The following CYB5R3 variants were observed in gnomAD, a reference collection of about 807,000 sequenced individuals.
CYB5R3 encodes cytochrome b5 reductase 3.
In CYB5R3, 28 loss-of-function variants were observed where a neutral mutation model predicts 36.5. The ratio of observed to expected loss-of-function variants is 0.77; its 90% confidence interval spans 0.57 to 1.05. The LOEUF (loss-of-function observed/expected upper bound fraction) is 1.05, where lower values mean the gene tolerates loss of function less well. Among genes scored for constraint, CYB5R3 ranks in the 50% least tolerant of loss-of-function variants. The pLI is 0.00. For synonymous variants in CYB5R3, 181 were observed against 159.8 expected (o/e 1.13, Z -1.00); for missense variants, 474 against 408.9 (o/e 1.16, Z -1.37).
At chr22:42,641,830 A>C (rs181746840) in intron 1 of CYB5R3, among the ~76,000 whole-genome samples, 3 of 152,132 alleles carry the variant, frequency 2.0e-5, no homozygotes, top group African/African-American at 7.2e-5. Flanking sequence ...CTCATTGGCC[A>C]GGCTGGTCTC....
In CYB5R3 at chr22:42,622,798, G is replaced by A. The variant is rs9623645; in HGVS notation, c.733+991C>T. 1.4e-3 allele frequency among the ~76,000 whole-genome samples: 214 copies of A among 152,378 alleles called. 1 individual carries two copies. Among genetic ancestry groups the A allele is most frequent in the African/African-American group, 5.0e-3 (206 of 41,594 alleles). ...GCGCCCCCCACCATGGATTAGTCCT[G>A]AGGAAACTGTGGGGCCGTAGGAGGT... On this transcript the variant is annotated intron_variant, in intron 8 of 8. Transcript: ENST00000352397.
At chr22:42,633,980 G>T (rs980523156) in intron 2 of CYB5R3, among the ~76,000 whole-genome samples, 3 of 151,952 alleles carry the variant, frequency 2.0e-5, no homozygotes, top group African/African-American at 7.3e-5. Flanking sequence ...GGAAAATACC[G>T]TTAAAAAACA....
At chr22:42,620,197 TC>T (rs1375101933) in intron 8 of CYB5R3, among the ~76,000 whole-genome samples, 4 of 152,178 alleles carry the variant, frequency 2.6e-5, no homozygotes, top group African/African-American at 4.8e-5. Context: ...GCCTTTTGCT[TC>T]CATTTGGCCT....
intron 1 of CYB5R3, chr22:42,644,373 C>T (rs1393854584): frequency 2.8e-6 from 2 of 706,342 alleles, no homozygotes; most frequent in Non-Finnish European, 5.2e-6. Context: ...TCTCTATGGC[C>T]CCAACTCTGG....
intron 8 of CYB5R3, among the ~76,000 whole-genome samples, chr22:42,622,238 A>G (rs1314395509): frequency 6.6e-6 from 1 of 152,100 alleles, no homozygotes; most frequent in East Asian, 1.9e-4. Flanking sequence ...TCGTTAGTAG[A>G]AGAGAAACAG....
chr22:42,642,906 G>A (rs1929354423), intron 1 of CYB5R3, among the ~76,000 whole-genome samples: 1 of 152,180 alleles, frequency 6.6e-6, no homozygotes, highest in African/African-American at 2.4e-5. Context: ...AGTTCTCCCA[G>A]CAAATGTGCA....
Position 42,631,368 on chromosome 22 carries a change from C to T in CYB5R3, c.226+10G>A, listed in dbSNP as rs1039458331. 9.7e-6 allele frequency: 15 copies of T among 1,551,158 alleles called. No individual in the cohort carries two copies. Among genetic ancestry groups the T allele is most frequent in the Middle Eastern group, 1.7e-4 (1 of 6,014 alleles). On this transcript the variant is annotated intron_variant, in intron 3 of 8. Coordinates refer to ENST00000352397, the MANE Select transcript of CYB5R3 (RefSeq NM_000398.7). The stretch of plus-strand genomic sequence containing the variant: ...GGGCTCCGAATGGGCCCAGCAGGGG[C>T]GTGACTCACCGACAGGGAGGCCCAG...
chr22:42,626,366 G>A (rs1928267247), intron 7 of CYB5R3, among the ~76,000 whole-genome samples: 1 of 152,118 alleles, frequency 6.6e-6, no homozygotes, highest in Admixed American at 6.6e-5. Context: ...CACTTCCCAC[G>A]AGACATGCAC....
intron 1 of CYB5R3, 97 bp downstream of exon 1, chr22:42,649,198 G>A: frequency 2.0e-6 from 1 of 489,240 alleles, no homozygotes; most frequent in Non-Finnish European, 2.8e-6. Flanking sequence ...GTGCGGCCCG[G>A]GTCCCGCGTC....
Position 42,623,651 on chromosome 22 carries a change from G to T in CYB5R3, c.733+138C>A, listed in dbSNP as rs542425975. 83 of 704,754 alleles carry T rather than the reference G, an allele frequency of 1.2e-4. No homozygotes were observed. In the African/African-American group the frequency reaches 1.3e-3, roughly 11 times the overall value. The allele number at this position is 704,754 out of a possible 1,614,324, so 43.7% of individuals were successfully genotyped here. ...CCCTTGTTCCTCATCTGTGAGACGG[G>T]GCCACACCACCTGCCTCCCACAGGG... On this transcript the variant is annotated intron_variant, in intron 8 of 8. Transcript: ENST00000352397.
intron 1 of CYB5R3, among the ~76,000 whole-genome samples, chr22:42,639,323 CA>C (rs58708895): frequency 0.28 from 32,262 of 114,526 alleles, 4,039 homozygotes; most frequent in East Asian, 0.55. Context: ...GACTCTGTCT[CA>C]AAAAAAAAAA....
At chr22:42,635,789 C>T (rs1928858764) in intron 2 of CYB5R3, among the ~76,000 whole-genome samples, 1 of 152,184 alleles carries the variant, frequency 6.6e-6, no homozygotes, top group South Asian at 2.1e-4. Flanking sequence ...CCCTCCTGTG[C>T]CTGCTGGGGG....
chr22:42,639,151 G>C, intron 1 of CYB5R3: 1 of 350,126 alleles, frequency 2.9e-6, no homozygotes, highest in Non-Finnish European at 5.6e-6. Context: ...CCAACATGGT[G>C]AAACCCCGTC....
intron 4 of CYB5R3, among the ~76,000 whole-genome samples, chr22:42,630,562 T>C (rs1170803249): frequency 1.3e-5 from 2 of 152,228 alleles, no homozygotes; most frequent in East Asian, 3.9e-4. Flanking sequence ...TTGAAGGCAC[T>C]TGCCCTGAAC....
Position 42,628,237 on chromosome 22 carries a change from C to A in CYB5R3, c.378G>T (p.Lys126Asn). 6.2e-7 allele frequency: 1 copy of A among 1,614,138 alleles called. No homozygotes were observed. Among genetic ancestry groups the A allele is most frequent in the Non-Finnish European group, 8.5e-7 (1 of 1,179,992 alleles). The change falls in exon 5 of 9, where the codon AAG becomes AAT. Residue 126 changes from lysine (K) to asparagine (N), a missense_variant. Transcript: ENST00000352397. ...GCATGCTCTCCAGGTACTGAGACATCTTCCCTCCAGCGGGAAACTTGGGAT... is the reference window on the plus strand; with the variant it reads ...GCATGCTCTCCAGGTACTGAGACATATTCCCTCCAGCGGGAAACTTGGGAT... Reference protein sequence around the residue: ...DTHPKFPAGGKMSQYLESMQI... With the variant: ...DTHPKFPAGGNMSQYLESMQI...
chr22:42,621,218 GTTTT>G (rs1491122839), intron 8 of CYB5R3, among the ~76,000 whole-genome samples: 2 of 149,498 alleles, frequency 1.3e-5, no homozygotes, highest in Admixed American at 6.6e-5. Context: ...GTGTGTGTGT[GTTTT>G]TAAGAGACAG....
rs1346667462 is a variant in CYB5R3 at position 42,627,399 on chromosome 22, A to G, written c.548-10T>C. 3.7e-6 allele frequency: 6 copies of G among 1,613,026 alleles called. No individual in the cohort carries two copies. The highest frequency in any genetic ancestry group is 4.2e-6 in the Non-Finnish European group (5 of 1,179,646). On this transcript the variant is annotated splice_polypyrimidine_tract_variant and intron_variant, in intron 6 of 8. Coordinates refer to ENST00000352397, the MANE Select transcript of CYB5R3 (RefSeq NM_000398.7). ...AGCATCGGGGTGATGCCTGCAAAAT[A>G]GCCGGCCGGGCCTCGCACGTGCTGA...
chr22:42,637,057 T>C (rs113686849), intron 1 of CYB5R3, among the ~76,000 whole-genome samples: 6 of 152,312 alleles, frequency 3.9e-5, no homozygotes, highest in African/African-American at 1.4e-4. Context: ...TCACTGAGCA[T>C]TACCTGGGCT....
At chr22:42,644,202 T>C (rs1929425632) in intron 1 of CYB5R3, among the ~76,000 whole-genome samples, 1 of 152,114 alleles carries the variant, frequency 6.6e-6, no homozygotes, top group Non-Finnish European at 1.5e-5. Context: ...AGGGGCACTC[T>C]TTCTGCTCCA....
Sources: allele counts gnomAD v4.1 joint callset (sites outside exome capture counted in the v4.1 genomes callset), GRCh38; gene constraint gnomAD v4.1.1; transcripts MANE v1.5; gene names NCBI Gene and HGNC (gene_info 2026-07-23, HGNC 2026-07-21).